The following FDX2 variants were observed in gnomAD, a reference collection of about 807,000 sequenced individuals.
FDX2 encodes the protein ferredoxin 2.
Under a neutral mutation model 18.5 loss-of-function variants are expected in FDX2, and 13 were observed. The observed-to-expected ratio is 0.70, with a 90% CI of 0.46 to 1.12. FDX2 has a LOEUF of 1.12. Among genes scored for constraint, FDX2 ranks in the 50% most tolerant of loss-of-function variants. FDX2 has a pLI of 0.00. For synonymous variants in FDX2, 132 were observed against 106.2 expected (o/e 1.24, Z -1.49); for missense variants, 238 against 250.4 (o/e 0.95, Z 0.34).
intron 3 of FDX2, among the ~76,000 whole-genome samples, chr19:10,313,813 T>G (rs1255210936): frequency 6.8e-6 from 1 of 146,212 alleles, no homozygotes; most frequent in Admixed American, 6.9e-5. Context: ...GCCTCCCGAG[T>G]AGCTGGGACT....
chr19:10,311,922 G>A (rs1220845249), intron 3 of FDX2, among the ~76,000 whole-genome samples: 2 of 145,062 alleles, frequency 1.4e-5, no homozygotes, highest in Non-Finnish European at 1.5e-5. Flanking sequence ...CCAGGCTGGA[G>A]TGCAATGGTA....
At chr19:10,315,093 G>A (rs748711498) in intron 3 of FDX2, among the ~76,000 whole-genome samples, 6 of 152,034 alleles carry the variant, frequency 3.9e-5, no homozygotes, top group Non-Finnish European at 8.8e-5. Context: ...CAACAAGAGT[G>A]AAACTCCATC....
At chr19:10,313,511 A>G (rs1048595243) in intron 3 of FDX2, among the ~76,000 whole-genome samples, 1 of 151,524 alleles carries the variant, frequency 6.6e-6, no homozygotes, top group Non-Finnish European at 1.5e-5. Context: ...TGAGTCTAGT[A>G]TTGTCACTCA....
At chr19:10,315,621 C>CAA in intron 2 of FDX2, 84 bp downstream of exon 2, 1 of 1,519,116 alleles carries the variant, frequency 6.6e-7, no homozygotes. Context: ...AGAAGGGGGA[C>CAA]CTCGAGATGA....
chr19:10,315,942 C>T lies in FDX2; in HGVS notation c.64G>A (p.Ala22Thr), dbSNP rs773058974. ...GGTCTGTTCCACCAGGTGCCCCTGG[C>T]AGCCTGCAGTAGAACCCTGGCACTC... Residue 22 changes from alanine (A) to threonine (T), a missense_variant, in exon 1 of 5, where the codon GCC becomes ACC. Transcript: ENST00000393708. 7 of 1,609,630 alleles carry T rather than the reference C, an allele frequency of 4.3e-6. No individual in the cohort carries two copies. The South Asian group carries it at 5.5e-5, about 13-fold the overall frequency.
chr19:10,311,604 G>A (rs1259857891), intron 3 of FDX2, among the ~76,000 whole-genome samples: 1 of 151,132 alleles, frequency 6.6e-6, no homozygotes, highest in Non-Finnish European at 1.5e-5. Flanking sequence ...GTTTCACCAT[G>A]TTAGCCAGGA....
intron 2 of FDX2, 74 bp from the exon 3 acceptor site, chr19:10,315,566 A>C: frequency 6.4e-7 from 1 of 1,556,850 alleles, no homozygotes; most frequent in African/African-American, 1.4e-5. Context: ...AGGGTTAGGA[A>C]GTAGGAATTG....
In FDX2 at chr19:10,310,328, T is replaced by C; in HGVS notation, c.*158A>G. ...TAGGGGCCCTGTCCCCACCAGAGCC[T>C]GGACATGGGACTCTCTCCCAAGCAG... On this transcript the variant is annotated 3_prime_UTR_variant, in exon 5 of 5. Transcript: ENST00000393708. The C allele has an allele frequency of 9.3e-7, 1 of 1,072,476 alleles. No individual in the cohort carries two copies. Among genetic ancestry groups the C allele is most frequent in the South Asian group, 1.6e-5 (1 of 61,794 alleles). 66.4% of individuals were successfully genotyped at this position (1,072,476 alleles called of 1,614,324 possible).
chr19:10,313,672 T>TATATATATATA (rs1491344383), intron 3 of FDX2, among the ~76,000 whole-genome samples: 18 of 22,694 alleles, frequency 7.9e-4, no homozygotes, highest in African/African-American at 9.9e-4. Context: ...TATATATATA[T>TATATATATATA]TTTTTTTTTT....
intron 3 of FDX2, among the ~76,000 whole-genome samples, chr19:10,313,479 A>C (rs767244899): frequency 6.6e-6 from 1 of 151,736 alleles, no homozygotes; most frequent in Non-Finnish European, 1.5e-5. Flanking sequence ...GGCAGCACAG[A>C]TTAGTGGCTA....
At chr19:10,312,518 ATTCCTTTGTT>A (rs1299857510) in intron 3 of FDX2, among the ~76,000 whole-genome samples, 2 of 151,496 alleles carry the variant, frequency 1.3e-5, no homozygotes, top group African/African-American at 4.9e-5. Flanking sequence ...CCCCTCATTC[ATTCCTTTGTT>A]TTCCTTTGTA....
At chr19:10,313,596 A>G (rs2040344881) in intron 3 of FDX2, among the ~76,000 whole-genome samples, 1 of 142,498 alleles carries the variant, frequency 7.0e-6, no homozygotes, top group Non-Finnish European at 1.5e-5. Context: ...AGTCTCTACT[A>G]CTCAAGTTGT....
intron 3 of FDX2, among the ~76,000 whole-genome samples, chr19:10,313,705 G>T (rs1599292837): frequency 3.0e-5 from 1 of 33,332 alleles, no homozygotes; most frequent in Non-Finnish European, 5.4e-5. Flanking sequence ...TTTTTTTTTT[G>T]AGACAGTCTC....
At chr19:10,311,006 G>T in intron 3 of FDX2, 66 bp from the exon 4 acceptor site, 1 of 1,214,048 alleles carries the variant, frequency 8.2e-7, no homozygotes, top group Non-Finnish European at 1.2e-6. Flanking sequence ...CTATGCGAAT[G>T]GCGTAGAGGA....
At chr19:10,312,822 C>T (rs1455810952) in intron 3 of FDX2, among the ~76,000 whole-genome samples, 2 of 152,160 alleles carry the variant, frequency 1.3e-5, no homozygotes, top group Non-Finnish European at 2.9e-5. Flanking sequence ...CAGGCGTGAG[C>T]CACCACACCT....
rs1031853619 is a variant in FDX2 at position 10,310,225 on chromosome 19, T to C, written c.*261A>G. The C allele has an allele frequency of 5.8e-6, 3 of 517,572 alleles. No individual in the cohort carries two copies. Among genetic ancestry groups the C allele is most frequent in the East Asian group, 3.3e-5 (1 of 30,164 alleles). The allele number at this position is 517,572 out of a possible 1,614,324, so 32.1% of individuals were successfully genotyped here. On this transcript the variant is annotated 3_prime_UTR_variant, in exon 5 of 5. Coordinates refer to ENST00000393708, the MANE Select transcript of FDX2 (RefSeq NM_001031734.4). The stretch of plus-strand genomic sequence containing the variant: ...ACTCAACATGCTGGGGCCTGTGTTA[T>C]CGATTTATTGCAGCTCCAATATGAG...
At chr19:10,315,335 T>TTTGGAAAAA in intron 3 of FDX2, 51 bp downstream of exon 3, 1 of 1,076,500 alleles carries the variant, frequency 9.3e-7, no homozygotes, top group Non-Finnish European at 1.3e-6. Flanking sequence ...TTTTTTTTTT[T>TTTGGAAAAA]TTTGGACAAA....
intron 3 of FDX2, among the ~76,000 whole-genome samples, chr19:10,313,671 A>ATATATATATT (rs1361901597): frequency 8.8e-5 from 4 of 45,410 alleles, no homozygotes; most frequent in African/African-American, 4.4e-4. Flanking sequence ...ATATATATAT[A>ATATATATATT]TTTTTTTTTT....
chr19:10,310,351 CA>C lies in FDX2; in HGVS notation c.*134del. 8.1e-7 allele frequency: 1 copy of C among 1,237,030 alleles called. No individual in the cohort carries two copies. Among genetic ancestry groups the C allele is most frequent in the Admixed American group, 2.3e-5 (1 of 44,284 alleles). 76.6% of individuals were successfully genotyped at this position (1,237,030 alleles called of 1,614,324 possible). A position where few individuals can be genotyped will look rare whatever the true frequency, so the allele number is the denominator to read the frequency against. ...CCTGGACATGGGACTCTCTCCCAAG[CA>C]GGGGTGTTGTCCTTCACAGGGGCTT... On this transcript the variant is annotated 3_prime_UTR_variant, in exon 5 of 5. Transcript: ENST00000393708.
Sources: allele counts gnomAD v4.1 joint callset (sites outside exome capture counted in the v4.1 genomes callset), GRCh38; gene constraint gnomAD v4.1.1; transcripts MANE v1.5; gene names NCBI Gene and HGNC (gene_info 2026-07-23, HGNC 2026-07-21).